Variants in ANTXRL observed in about 807,000 individuals in gnomAD.
ANTXRL encodes anthrax toxin receptor-like.
ANTXRL carries 63 observed loss-of-function variants against 75.4 expected under a neutral mutation model. The observed-to-expected ratio is 0.84, with a 90% CI of 0.68 to 1.03. The LOEUF (loss-of-function observed/expected upper bound fraction) is 1.03. ANTXRL is among the 50% of genes least tolerant of loss of function. ANTXRL has a pLI of 0.00. For synonymous variants in ANTXRL, 335 were observed against 291.3 expected (o/e 1.15, Z -1.53); for missense variants, 797 against 789.4 (o/e 1.01, Z -0.12).
At chr10:46,321,803 A>G (rs1200681731) in intron 16 of ANTXRL, among the ~76,000 whole-genome samples, 1 of 152,142 alleles carries the variant, frequency 6.6e-6, no homozygotes, top group East Asian at 1.9e-4. Flanking sequence ...TTCGTAAGGT[A>G]TCAACTTATG....
intron 3 of ANTXRL, among the ~76,000 whole-genome samples, chr10:46,295,365 T>C (rs551339166): frequency 3.1e-4 from 47 of 152,232 alleles, no homozygotes; most frequent in African/African-American, 9.6e-4. Flanking sequence ...GGTTAGAATT[T>C]GGATTAGAGT....
intron 9 of ANTXRL, among the ~76,000 whole-genome samples, chr10:46,299,741 C>A (rs1387340747): frequency 1.4e-4 from 21 of 152,180 alleles, no homozygotes; most frequent in Admixed American, 1.4e-3. Context: ...GAAGTGCCTC[C>A]CATGAACAGA....
intron 1 of ANTXRL, among the ~76,000 whole-genome samples, chr10:46,288,616 A>G (rs113154457): frequency 1.5e-4 from 23 of 152,170 alleles, no homozygotes; most frequent in Non-Finnish European, 2.9e-4. Flanking sequence ...GTCTTGGGCA[A>G]GTTGCTTCAT....
At chr10:46,313,964 T>C (rs1465044981) in intron 16 of ANTXRL, among the ~76,000 whole-genome samples, 4 of 152,196 alleles carry the variant, frequency 2.6e-5, no homozygotes, top group African/African-American at 7.2e-5. Flanking sequence ...CTTCTCTGCT[T>C]AGGCCCTGGG....
At chr10:46,286,502 G>A (rs1306567842), upstream of ANTXRL, 1 of 152,196 alleles carries the variant, frequency 6.6e-6, no homozygotes, top group Non-Finnish European at 1.5e-5. Context: ...AAGTTATGGG[G>A]CCCCAGACAT....
intron 13 of ANTXRL, among the ~76,000 whole-genome samples, chr10:46,310,147 T>C (rs1318350381): frequency 6.6e-6 from 1 of 152,042 alleles, no homozygotes; most frequent in Non-Finnish European, 1.5e-5. Flanking sequence ...AACGCTGTCT[T>C]CTCCATGTGG....
chr10:46,300,256 A>G (rs1554960188), intron 9 of ANTXRL, among the ~76,000 whole-genome samples: 1 of 152,188 alleles, frequency 6.6e-6, no homozygotes, highest in Admixed American at 6.5e-5. Context: ...TGACAGTCAC[A>G]GGAGGGAAAG....
intron 1 of ANTXRL, 36 bp from the exon 2 acceptor site, chr10:46,292,022 A>T: frequency 6.6e-7 from 1 of 1,516,066 alleles, no homozygotes. Flanking sequence ...GGAGAGATGC[A>T]CTCATCTCCC....
chr10:46,306,972 G>C, intron 11 of ANTXRL, 100 bp downstream of exon 11: 2 of 1,009,468 alleles, frequency 2.0e-6, no homozygotes, highest in Admixed American at 5.6e-5. Flanking sequence ...CCCCCTGCTG[G>C]GACAGCACAT....
intron 5 of ANTXRL, 92 bp from the exon 6 acceptor site, chr10:46,297,160 C>A: frequency 9.2e-7 from 1 of 1,081,254 alleles, no homozygotes; most frequent in Non-Finnish European, 1.4e-6. Flanking sequence ...GTGGGCAGCG[C>A]TGTGGGCCCA....
chr10:46,308,982 G>A lies in ANTXRL; in HGVS notation c.1045-131G>A, dbSNP rs1179427072. 1.7e-5 allele frequency: 22 copies of A among 1,267,954 alleles called. 1 individual carries two copies. The highest frequency in any genetic ancestry group is 1.6e-4 in the African/African-American group (11 of 66,842). The allele number at this position is 1,267,954 out of a possible 1,614,324, so 78.5% of individuals were successfully genotyped here. On this transcript the variant is annotated intron_variant, in intron 12 of 16. Transcript: ENST00000620264. ...AGCTCTCTGGGGCCCAGCCCTGGCC[G>A]CTGGCCCCACTGTAGTACCCGGATG...
chr10:46,286,160 G>T (rs369634895), upstream of ANTXRL, among the ~76,000 whole-genome samples: 10 of 152,256 alleles, frequency 6.6e-5, no homozygotes, highest in East Asian at 1.2e-3. Context: ...GGGGGCCTGT[G>T]TTCCTGCCCA....
At position 46,309,114 on chromosome 10, in the gene ANTXRL, G is replaced by A; in HGVS notation, c.1046G>A (p.Gly349Asp). ...SNVSITSTTC[G>D]IFRNWLYFVP... ...TATGGTGCTCTCTTTCTCCACCAGG[G>A]CATTTTCCGCAACTGGCTCTATTTT... is the stretch of plus-strand genomic sequence containing the variant. The change falls in exon 13 of 17, where the codon GGC becomes GAC. Residue 349 changes from glycine (G) to aspartate (D), a missense_variant and splice_region_variant. Gly to Asp is a moderately conservative substitution (Grantham distance 94, BLOSUM62 -1). Coordinates refer to ENST00000620264, the MANE Select transcript of ANTXRL (RefSeq NM_001278688.3). 6.5e-7 allele frequency: 1 copy of A among 1,530,912 alleles called. No individual in the cohort carries two copies. The highest frequency in any genetic ancestry group is 8.7e-7 in the Non-Finnish European group (1 of 1,146,580). The allele number at this position is 1,530,912 out of a possible 1,614,324, so 94.8% of individuals were successfully genotyped here. A position where few individuals can be genotyped will look rare whatever the true frequency, so the allele number is the denominator to read the frequency against.
At chr10:46,307,699 C>T (rs1838176529) in intron 12 of ANTXRL, among the ~76,000 whole-genome samples, 1 of 152,102 alleles carries the variant, frequency 6.6e-6, no homozygotes, top group Non-Finnish European at 1.5e-5. Context: ...TAGGCCAGGA[C>T]CTCAGGCCCA....
chr10:46,319,205 G>C (rs7077901), intron 16 of ANTXRL, among the ~76,000 whole-genome samples: 12,973 of 152,154 alleles, frequency 0.085, 1,816 homozygotes, highest in African/African-American at 0.3. Flanking sequence ...TCACTCTTTT[G>C]AGTGGCCTCT....
chr10:46,286,538 A>C (rs1425402203), upstream of ANTXRL: 3 of 152,246 alleles, frequency 2.0e-5, no homozygotes, highest in African/African-American at 7.2e-5. Flanking sequence ...CTCCGCCCTG[A>C]GTGCCTGATC....
rs1588880597 is a variant in ANTXRL at position 46,329,969 on chromosome 10, T to C, written c.1781T>C (p.Leu594Pro). The C allele has an allele frequency of 1.3e-6, 2 of 1,527,928 alleles. No individual in the cohort carries two copies. Among genetic ancestry groups the C allele is most frequent in the African/African-American group, 2.8e-5 (2 of 70,664 alleles). The allele number at this position is 1,527,928 out of a possible 1,614,324, so 94.6% of individuals were successfully genotyped here. A position where few individuals can be genotyped will look rare whatever the true frequency, so the allele number is the denominator to read the frequency against. The change falls in exon 17 of 17, where the codon CTC becomes CCC. Residue 594 changes from leucine (L) to proline (P), a missense_variant. Leu to Pro is a moderately conservative substitution (Grantham distance 98). This residue lies in a region of ANTXRL where 479 missense variants were observed against 422.0 expected (regional missense o/e 1.14). Coordinates refer to ENST00000620264, the MANE Select transcript of ANTXRL (RefSeq NM_001278688.3). ...CTCACCTGCTCCTCCAGGTGCCGCC[T>C]CCCCCCAGCTAGGTGCTTGAGGCCT... ...LPLTCSSRCRLPPARCLRPPS... is the reference protein window; with the variant it reads ...LPLTCSSRCRPPPARCLRPPS...
At chr10:46,305,639 C>T (rs1222917204) in intron 10 of ANTXRL, among the ~76,000 whole-genome samples, 2 of 152,224 alleles carry the variant, frequency 1.3e-5, no homozygotes, top group Admixed American at 6.5e-5. Context: ...GCAGGGCCCA[C>T]GCCCTCTCCC....
At chr10:46,318,348 A>G (rs529952089) in intron 16 of ANTXRL, among the ~76,000 whole-genome samples, 2 of 152,276 alleles carry the variant, frequency 1.3e-5, no homozygotes, top group East Asian at 3.9e-4. Context: ...AAAAGAAACT[A>G]TAAAACTTTA....
Sources: gnomAD v4.1 joint callset for allele counts (sites outside exome capture counted in the v4.1 genomes callset) on GRCh38, gnomAD v4.1.1 for gene constraint, gnomAD v4.1.1 regional missense constraint, MANE v1.5 for transcripts, NCBI Gene and HGNC (gene_info 2026-07-23, HGNC 2026-07-21) for gene names.